The following CCDC92B variants were observed in gnomAD, a reference collection of about 807,000 sequenced individuals.
CCDC92B encodes coiled-coil domain-containing 92B.
Under a neutral mutation model 5.6 loss-of-function variants are expected in CCDC92B, and 2 were observed. The ratio of observed to expected loss-of-function variants is 0.36; its 90% CI spans 0.15 to 1.12. The LOEUF is 1.12. Among genes scored for constraint, CCDC92B ranks in the 50% most tolerant of loss-of-function variants. The pLI, the probability that CCDC92B is intolerant of heterozygous loss-of-function variation, is 0.40. For missense variants in CCDC92B, 271 were observed against 262.2 expected, an observed-to-expected ratio of 1.03 and a Z score of -0.23; for synonymous variants, 115 against 122.3, an observed-to-expected ratio of 0.94 and a Z score of 0.39.
intron 3 of CCDC92B, among the ~76,000 whole-genome samples, chr17:2,726,910 G>GT (rs2070737540): frequency 6.9e-6 from 1 of 145,554 alleles, no homozygotes; most frequent in Non-Finnish European, 1.5e-5. Flanking sequence ...ACCACGCCCA[G>GT]CCCTTTTTTT....
At chr17:2,740,958 C>G (rs1012126266) in intron 1 of CCDC92B, among the ~76,000 whole-genome samples, 2 of 112,102 alleles carry the variant, frequency 1.8e-5, no homozygotes, top group Admixed American at 1.9e-4. Flanking sequence ...AGACAAAGAC[C>G]CTGTCTCAAA....
chr17:2,743,025 A>G (rs1055560298), intron 1 of CCDC92B, among the ~76,000 whole-genome samples: 1 of 152,184 alleles, frequency 6.6e-6, no homozygotes, highest in African/African-American at 2.4e-5. Context: ...TCATCACCCA[A>G]GTCCAAGCCA....
chr17:2,726,182 A>T (rs7208657), intron 3 of CCDC92B, among the ~76,000 whole-genome samples: 5 of 142,362 alleles, frequency 3.5e-5, no homozygotes, highest in African/African-American at 1.3e-4. Context: ...ATATATATAT[A>T]TTTTTTTTTT....
intron 3 of CCDC92B, among the ~76,000 whole-genome samples, chr17:2,728,306 T>C (rs2070755825): frequency 9.4e-6 from 1 of 106,144 alleles, no homozygotes; most frequent in South Asian, 3.9e-4. Flanking sequence ...TGACAGAGTA[T>C]GTCTCAAAAA....
At chr17:2,727,629 G>T (rs560470852) in intron 3 of CCDC92B, among the ~76,000 whole-genome samples, 67 of 152,068 alleles carry the variant, frequency 4.4e-4, no homozygotes, top group Admixed American at 1.3e-3. Flanking sequence ...TTCGAGACCA[G>T]CCTGGCCAGC....
chr17:2,736,229 C>T (rs1164848604), intron 1 of CCDC92B, among the ~76,000 whole-genome samples: 2 of 151,992 alleles, frequency 1.3e-5, no homozygotes, highest in East Asian at 3.9e-4. Flanking sequence ...GAGTTCAAGA[C>T]CAGCCTTTCC....
intron 1 of CCDC92B, among the ~76,000 whole-genome samples, chr17:2,739,043 C>T (rs2070890248): frequency 6.6e-6 from 1 of 151,504 alleles, no homozygotes; most frequent in South Asian, 2.1e-4. Flanking sequence ...TGCACTCCAG[C>T]CTGGGCAATA....
rs1567609849 is a variant in CCDC92B, at chr17:2,724,934, G to T, written c.245C>A (p.Ala82Glu). The T allele has an allele frequency of 2.0e-6, 2 of 985,360 alleles. No individual in the cohort carries two copies. Among genetic ancestry groups the T allele is most frequent in the East Asian group, 2.3e-4 (2 of 8,818 alleles). The allele number at this position is 985,360 out of a possible 1,614,324, so 61.0% of individuals were successfully genotyped here. A position where few individuals can be genotyped will look rare whatever the true frequency, so the allele number is the denominator to read the frequency against. Residue 82 changes from alanine to glutamate, a missense_variant, in exon 4 of 4, where the codon GCG becomes GAG. Physicochemically the swap from Ala to Glu is moderately radical, Grantham distance 107. Coordinates refer to ENST00000614400, the MANE Select transcript of CCDC92B (RefSeq NM_001355573.2). This position sits in a 1 kb window ranked among gnomAD's most constrained non-coding sequence, Gnocchi z 5.0. Reference protein sequence around the residue: ...ALESQLEARAAANAELRREVA... With the variant: ...ALESQLEARAEANAELRREVA... ...CTCCCGCCGCAGCTCCGCGTTGGCCGCAGCACGCGCCTCCAGCTGCGACTC... is the reference window on the plus strand; with the variant it reads ...CTCCCGCCGCAGCTCCGCGTTGGCCTCAGCACGCGCCTCCAGCTGCGACTC...
At chr17:2,734,914 G>T in intron 2 of CCDC92B, 102 bp downstream of exon 2, 1 of 876,530 alleles carries the variant, frequency 1.1e-6, no homozygotes, top group Non-Finnish European at 1.4e-6. Context: ...TCGGTGCAGT[G>T]TGAGGCTCAC....
intron 1 of CCDC92B, among the ~76,000 whole-genome samples, chr17:2,735,416 T>C (rs1344115946): frequency 1.3e-5 from 2 of 152,178 alleles, no homozygotes; most frequent in African/African-American, 4.8e-5. Context: ...GGCTTCCTTC[T>C]CCTGTTCCCA....
chr17:2,724,241 A>G lies in CCDC92B; in HGVS notation c.*170T>C, dbSNP rs953403081. 10 of 985,058 alleles carry G rather than the reference A, an allele frequency of 1.0e-5. No homozygotes were observed. Among genetic ancestry groups the G allele is most frequent in the Non-Finnish European group, 1.2e-5 (10 of 829,736 alleles). The allele number at this position is 985,058 out of a possible 1,614,324, so 61.0% of individuals were successfully genotyped here. A position where few individuals can be genotyped will look rare whatever the true frequency, so the allele number is the denominator to read the frequency against. Reference sequence around the variant, plus strand: ...GGCTCGAAGCTTTGGAAACGTCGGGAAGTACAAAAGGCTGGCGGTTCGGGG... The same window carrying G: ...GGCTCGAAGCTTTGGAAACGTCGGGGAGTACAAAAGGCTGGCGGTTCGGGG... On this transcript the variant is annotated 3_prime_UTR_variant, in exon 4 of 4. Transcript: ENST00000614400. The surrounding 1 kb of genome is among the most constrained non-coding windows in gnomAD (Gnocchi z 5.0).
At chr17:2,737,722 C>T (rs1286952817) in intron 1 of CCDC92B, among the ~76,000 whole-genome samples, 1 of 151,860 alleles carries the variant, frequency 6.6e-6, no homozygotes, top group African/African-American at 2.4e-5. Flanking sequence ...GTGATCCACC[C>T]GCCTCGGCCT....
chr17:2,725,041 G>T lies in CCDC92B; in HGVS notation c.179-41C>A, dbSNP rs1278848322. 6.1e-6 allele frequency: 6 copies of T among 985,038 alleles called. No individual in the cohort carries two copies. The East Asian group carries it at 6.9e-4, about 113-fold the overall frequency. The allele number at this position is 985,038 out of a possible 1,614,324, so 61.0% of individuals were successfully genotyped here. On this transcript the variant is annotated intron_variant, in intron 3 of 3. Transcript: ENST00000614400. ...GGCCAGAGGTGACGGTCTCCCCCTG[G>T]CTTGGAACAGAACCTGCACGGCTCA...
intron 2 of CCDC92B, among the ~76,000 whole-genome samples, chr17:2,732,564 A>C (rs2070805767): frequency 1.3e-5 from 2 of 152,036 alleles, no homozygotes; most frequent in Non-Finnish European, 2.9e-5. Context: ...TAAAAATACA[A>C]AAATTAGCCA....
chr17:2,738,053 G>T (rs1280960466), intron 1 of CCDC92B, among the ~76,000 whole-genome samples: 1 of 151,588 alleles, frequency 6.6e-6, no homozygotes, highest in African/African-American at 2.4e-5. Context: ...ATTTACACTG[G>T]GAACAGTCCT....
intron 1 of CCDC92B, chr17:2,748,111 G>A (rs77498226): frequency 1.9e-6 from 1 of 529,754 alleles, no homozygotes; most frequent in Non-Finnish European, 3.8e-6. Flanking sequence ...AAGGGGAGAA[G>A]ATCAGCCTGC....
Position 2,724,938 on chromosome 17 carries a change from C to T in CCDC92B, c.241G>A (p.Ala81Thr), listed in dbSNP as rs2070708351. The change falls in exon 4 of 4, where the codon GCT becomes ACT. Residue 81 changes from alanine to threonine, a missense_variant. By Grantham distance (58) the Ala-to-Thr change is moderately conservative. Coordinates refer to ENST00000614400, the MANE Select transcript of CCDC92B (RefSeq NM_001355573.2). The surrounding 1 kb of genome is among the most constrained non-coding windows in gnomAD (Gnocchi z 5.0). ...CGCCGCAGCTCCGCGTTGGCCGCAG[C>T]ACGCGCCTCCAGCTGCGACTCCAGC... ...RALESQLEAR[A>T]AANAELRREV... 2.0e-6 allele frequency: 2 copies of T among 985,502 alleles called. No individual in the cohort carries two copies. Among genetic ancestry groups the T allele is most frequent in the Non-Finnish European group, 2.4e-6 (2 of 830,004 alleles). 61.0% of individuals were successfully genotyped at this position (985,502 alleles called of 1,614,324 possible). A position where few individuals can be genotyped will look rare whatever the true frequency, so the allele number is the denominator to read the frequency against.
intron 3 of CCDC92B, among the ~76,000 whole-genome samples, chr17:2,729,558 A>AGACAATGGGTAACACTCAGTCC (rs2070772321): frequency 6.6e-6 from 1 of 152,106 alleles, no homozygotes; most frequent in African/African-American, 2.4e-5. Flanking sequence ...TATACTTCAG[A>AGACAATGGGTAACACTCAGTCC]GACAATGGGT....
intron 1 of CCDC92B, among the ~76,000 whole-genome samples, chr17:2,747,670 T>C (rs968348961): frequency 6.6e-6 from 1 of 152,142 alleles, no homozygotes. Flanking sequence ...GAGGTTGCAG[T>C]GAGTTGAGAT....
Sources: gnomAD v4.1 joint callset for allele counts (sites outside exome capture counted in the v4.1 genomes callset) on GRCh38, gnomAD v4.1.1 for gene constraint, Gnocchi (gnomAD v3.1) non-coding constraint, MANE v1.5 for transcripts, NCBI Gene and HGNC (gene_info 2026-07-23, HGNC 2026-07-21) for gene names.